Variants in OSMR observed in about 807,000 individuals in gnomAD.
The protein encoded by OSMR is oncostatin M receptor, also known as oncostatin-M-specific receptor subunit beta.
A neutral mutation model predicts 99.9 loss-of-function variants in OSMR; 81 were observed. The ratio of observed to expected loss-of-function variants is 0.81; its 90% CI spans 0.68 to 0.97. The LOEUF (loss-of-function observed/expected upper bound fraction) is 0.97, where lower values mean the gene tolerates loss of function less well. OSMR is among the 50% of genes least tolerant of loss of function. The pLI, the probability that OSMR is intolerant of heterozygous loss-of-function variation, is 0.00. For synonymous variants in OSMR, 406 were observed against 410.4 expected (o/e 0.99, Z 0.13); for missense variants, 1,099 against 1,153.4 (o/e 0.95, Z 0.68).
chr5:38,868,716 A>G (rs2112235303), intron 1 of OSMR, among the ~76,000 whole-genome samples: 1 of 152,332 alleles, frequency 6.6e-6, no homozygotes, highest in Non-Finnish European at 1.5e-5. Flanking sequence ...ACTGACTAAT[A>G]TAGTAGGGTA....
At chr5:38,903,054 G>T (rs923987782) in intron 7 of OSMR, among the ~76,000 whole-genome samples, 9 of 152,040 alleles carry the variant, frequency 5.9e-5, no homozygotes, top group African/African-American at 1.7e-4. Context: ...ATAGGGTATT[G>T]CCCCTTCTAC....
intron 15 of OSMR, among the ~76,000 whole-genome samples, chr5:38,928,422 G>A (rs114048319): frequency 0.013 from 1,986 of 152,264 alleles, 40 homozygotes; most frequent in African/African-American, 0.045. Context: ...GTTCTGCATG[G>A]CTGAGGAGGC....
chr5:38,915,037 A>G (rs372290550), intron 9 of OSMR, among the ~76,000 whole-genome samples: 1 of 152,228 alleles, frequency 6.6e-6, no homozygotes, highest in South Asian at 2.1e-4. Context: ...ATTTCAAAGG[A>G]AAGTAAAATG....
chr5:38,883,710 A>G (rs750005665), intron 4 of OSMR, 117 bp from the exon 5 acceptor site: 2 of 1,571,036 alleles, frequency 1.3e-6, no homozygotes, highest in East Asian at 2.3e-5. Context: ...TTAGGTTGCT[A>G]TTTTCTCCAG....
intron 2 of OSMR, among the ~76,000 whole-genome samples, chr5:38,872,613 A>C (rs552281225): frequency 6.6e-6 from 1 of 152,150 alleles, no homozygotes; most frequent in East Asian, 1.9e-4. Context: ...TTATATTATA[A>C]CTTATTATTT....
intron 1 of OSMR, among the ~76,000 whole-genome samples, chr5:38,848,610 G>T (rs1740075003): frequency 3.3e-5 from 5 of 152,084 alleles, no homozygotes; most frequent in Admixed American, 3.3e-4. Flanking sequence ...CCATTCTAAG[G>T]CTTGTTTTTC....
At chr5:38,848,935 G>A (rs1221582829) in intron 1 of OSMR, among the ~76,000 whole-genome samples, 9 of 139,368 alleles carry the variant, frequency 6.5e-5, no homozygotes, top group Admixed American at 2.2e-4. Context: ...CACCACACCT[G>A]ACTTTTTTTT....
At position 38,917,547 on chromosome 5, in the gene OSMR, T is replaced by A. The variant is rs759609455; in HGVS notation, c.1287T>A (p.Ala429=). The change falls in exon 10 of 18, where the codon GCT becomes GCA. Residue 429 remains alanine (A), a splice_region_variant and synonymous_variant. Coordinates refer to ENST00000274276, the MANE Select transcript of OSMR (RefSeq NM_003999.3). ...GAACTTTTCTTTGGTTAATTTCAGC[T>A]CCCTCAGAGGCCCCTGATGTCTGGA... ...SGQNFTTLEA[A]PSEAPDVWRI... 1 of 1,613,204 alleles carries A rather than the reference T, an allele frequency of 6.2e-7. No individual in the cohort carries two copies. Among genetic ancestry groups the A allele is most frequent in the Non-Finnish European group, 8.5e-7 (1 of 1,179,258 alleles).
At chr5:38,846,661 T>C (rs758194841) in intron 1 of OSMR, among the ~76,000 whole-genome samples, 1 of 152,074 alleles carries the variant, frequency 6.6e-6, no homozygotes, top group African/African-American at 2.4e-5. Flanking sequence ...TCCCACCTGG[T>C]CCCTAGCGTA....
At chr5:38,866,560 C>A (rs553170806) in intron 1 of OSMR, among the ~76,000 whole-genome samples, 1 of 152,324 alleles carries the variant, frequency 6.6e-6, no homozygotes, top group South Asian at 2.1e-4. Flanking sequence ...CACAGCCACA[C>A]TGCTGGGTCC....
chr5:38,933,016 C>T lies in OSMR; in HGVS notation c.2512C>T (p.Leu838Phe). 3.1e-6 allele frequency: 5 copies of T among 1,614,132 alleles called. No homozygotes were observed. The highest frequency in any genetic ancestry group is 3.4e-6 in the Non-Finnish European group (4 of 1,180,006). ...TETELTKPNY[L>F]YLLPTEKNHS... ...AACCGAGTTGACTAAGCCTAACTAC[C>T]TTTATCTCCTTCCAACAGAAAAGAA... is the stretch of plus-strand genomic sequence containing the variant. Residue 838 changes from leucine to phenylalanine, a missense_variant, in exon 18 of 18, where the codon CTT (leucine) becomes TTT (phenylalanine). Physicochemically the swap from Leu to Phe is conservative, Grantham distance 22 (BLOSUM62 0). Coordinates refer to ENST00000274276, the MANE Select transcript of OSMR (RefSeq NM_003999.3).
Position 38,886,468 on chromosome 5 carries a change from C to A in OSMR, c.991+278C>A, listed in dbSNP as rs77150999. 7.6e-4 allele frequency: 480 copies of A among 628,870 alleles called. 2 individuals are homozygous for A. The African/African-American group carries it at 8.4e-3, about 11-fold the overall frequency. 39.0% of individuals were successfully genotyped at this position (628,870 alleles called of 1,614,324 possible). A position where few individuals can be genotyped will look rare whatever the true frequency, so the allele number is the denominator to read the frequency against. ...TTCTGTCATATCTCATCCTGTAACGCCCCCACCTTCGCTCCTTCCGCCAAG... is the reference window on the plus strand; with the variant it reads ...TTCTGTCATATCTCATCCTGTAACGACCCCACCTTCGCTCCTTCCGCCAAG... On this transcript the variant is annotated intron_variant, in intron 7 of 17. Coordinates refer to ENST00000274276, the MANE Select transcript of OSMR (RefSeq NM_003999.3).
At chr5:38,858,740 T>C in intron 1 of OSMR, among the ~76,000 whole-genome samples, 1 of 152,164 alleles carries the variant, frequency 6.6e-6, no homozygotes, top group East Asian at 1.9e-4. Flanking sequence ...AGTGTATGAG[T>C]TCCCTTTTCT....
chr5:38,869,989 A>G (rs778426894), intron 2 of OSMR, among the ~76,000 whole-genome samples: 1 of 152,212 alleles, frequency 6.6e-6, no homozygotes, highest in Non-Finnish European at 1.5e-5. Flanking sequence ...GGGAATATGC[A>G]TAGAATTTCT....
rs760363776 is a variant in OSMR, at chr5:38,931,864, T to G, written c.2213-19T>G. On this transcript the variant is annotated intron_variant, in intron 15 of 17. Transcript: ENST00000274276. Reference sequence around the variant, plus strand: ...GAAAAGTACTTATTAAAAATGTCCCTTTCTTTTTCCTCGTTCAGCCTCGAT... The same window carrying G: ...GAAAAGTACTTATTAAAAATGTCCCGTTCTTTTTCCTCGTTCAGCCTCGAT... The G allele has an allele frequency of 5.0e-6, 8 of 1,610,092 alleles. No homozygotes were observed.
intron 15 of OSMR, among the ~76,000 whole-genome samples, chr5:38,930,640 G>T (rs1398647919): frequency 1.3e-5 from 2 of 152,174 alleles, no homozygotes; most frequent in African/African-American, 4.8e-5. Flanking sequence ...CAAGCAATGG[G>T]AACAGGAAGA....
chr5:38,941,233 A>C (rs1561428605), intron 1 of OSMR: 1 of 232,732 alleles, frequency 4.3e-6, no homozygotes, highest in Non-Finnish European at 8.5e-6. Context: ...GCAAAACAAA[A>C]ACACTGATAT....
chr5:38,866,909 G>C (rs533357185), intron 1 of OSMR, among the ~76,000 whole-genome samples: 110 of 152,278 alleles, frequency 7.2e-4, no homozygotes, highest in African/African-American at 2.2e-3. Flanking sequence ...TGGCACTGGG[G>C]AGTTTCTTCT....
chr5:38,917,596 A>C lies in OSMR; in HGVS notation c.1336A>C (p.Asn446His). ...VWRIVSLEPG[N>H]HTVTLFWKPL... ...GAGAATTGTGAGCTTGGAGCCAGGA[A>C]ATCATACTGTGACCTTATTCTGGAA... The change falls in exon 10 of 18, where the codon AAT becomes CAT. Residue 446 changes from asparagine (N) to histidine (H), a missense_variant. Transcript: ENST00000274276. The C allele has an allele frequency of 6.2e-7, 1 of 1,613,564 alleles. No individual in the cohort carries two copies. Among genetic ancestry groups the C allele is most frequent in the Non-Finnish European group, 8.5e-7 (1 of 1,179,516 alleles).
Sources: gnomAD v4.1 joint callset for allele counts (sites outside exome capture counted in the v4.1 genomes callset) on GRCh38, gnomAD v4.1.1 for gene constraint, MANE v1.5 for transcripts, NCBI Gene and HGNC (gene_info 2026-07-23, HGNC 2026-07-21) for gene names.